Variants in PHKB observed in about 807,000 individuals in gnomAD.
The protein encoded by PHKB is phosphorylase b kinase regulatory subunit beta.
A neutral mutation model predicts 152.1 loss-of-function variants in PHKB; 122 were observed. The ratio of observed to expected loss-of-function variants is 0.80; its 90% CI spans 0.69 to 0.93. PHKB has a LOEUF of 0.93. Ranked by LOEUF, PHKB falls within the 40% of genes least tolerant of loss-of-function variation. The pLI, the probability that PHKB is intolerant of heterozygous loss-of-function variation, is 0.00. For missense variants in PHKB, 1,304 were observed against 1,328.4 expected (o/e 0.98, Z 0.29); for synonymous variants, 436 against 464.9 (o/e 0.94, Z 0.80).
intron 9 of PHKB, among the ~76,000 whole-genome samples, chr16:47,588,211 C>T (rs1250455529): frequency 1.3e-5 from 2 of 151,086 alleles, no homozygotes; most frequent in African/African-American, 4.9e-5. Flanking sequence ...TTTCTAGGGA[C>T]TATTTGTGGT....
chr16:47,598,767 C>T (rs1972168036), intron 13 of PHKB: 2 of 1,585,198 alleles, frequency 1.3e-6, no homozygotes, highest in African/African-American at 1.3e-5. Context: ...AAAGAATCAC[C>T]TCTTCTAATT....
chr16:47,558,375 A>G (rs1005035365), intron 7 of PHKB, among the ~76,000 whole-genome samples: 1 of 152,144 alleles, frequency 6.6e-6, no homozygotes, highest in African/African-American at 2.4e-5. Context: ...TAAAACTTAA[A>G]GTATAATAAT....
At chr16:47,625,265 C>T (rs1448690667) in intron 14 of PHKB, among the ~76,000 whole-genome samples, 1 of 152,236 alleles carries the variant, frequency 6.6e-6, no homozygotes, top group East Asian at 1.9e-4. Flanking sequence ...AGTGTTTAGG[C>T]AGGGCCTGGC....
At chr16:47,583,962 G>T (rs892110116) in intron 8 of PHKB, among the ~76,000 whole-genome samples, 4 of 151,510 alleles carry the variant, frequency 2.6e-5, no homozygotes, top group African/African-American at 9.7e-5. Flanking sequence ...TATTTTTACG[G>T]GCAGTTGTTG....
chr16:47,646,933 A>AG (rs1973139763), intron 16 of PHKB, among the ~76,000 whole-genome samples: 1 of 152,220 alleles, frequency 6.6e-6, no homozygotes, highest in East Asian at 1.9e-4. Flanking sequence ...AAAAAGGTAA[A>AG]GGGGCTTCTT....
chr16:47,565,345 T>C (rs1597089852), intron 7 of PHKB: 1 of 853,236 alleles, frequency 1.2e-6, no homozygotes, highest in East Asian at 2.5e-5. Context: ...TTTCATCTTT[T>C]CTTGCTGTTC....
At chr16:47,631,901 C>G (rs1402778533) in intron 14 of PHKB, among the ~76,000 whole-genome samples, 1 of 152,138 alleles carries the variant, frequency 6.6e-6, no homozygotes, top group Non-Finnish European at 1.5e-5. Context: ...GGGTTGGTTG[C>G]TATTGTGAAC....
intron 1 of PHKB, among the ~76,000 whole-genome samples, chr16:47,469,758 A>G (rs539357953): frequency 6.6e-6 from 1 of 152,302 alleles, no homozygotes; most frequent in South Asian, 2.1e-4. Flanking sequence ...ACCTAAAACA[A>G]AATTTGAAAT....
intron 26 of PHKB, among the ~76,000 whole-genome samples, chr16:47,683,923 T>C (rs1973912718): frequency 6.6e-6 from 1 of 152,216 alleles, no homozygotes; most frequent in Non-Finnish European, 1.5e-5. Context: ...AATCATTTGT[T>C]TAACAGCAAA....
intron 7 of PHKB, among the ~76,000 whole-genome samples, chr16:47,574,383 T>G (rs769795064): frequency 6.6e-6 from 1 of 152,220 alleles, no homozygotes; most frequent in Non-Finnish European, 1.5e-5. Flanking sequence ...CCATGTAGGT[T>G]GCCACCCACA....
chr16:47,684,909 T>C (rs977195008), intron 26 of PHKB, among the ~76,000 whole-genome samples: 4 of 152,218 alleles, frequency 2.6e-5, no homozygotes, highest in Non-Finnish European at 4.4e-5. Context: ...TGGATATATA[T>C]GAAGGTTGAT....
chr16:47,488,816 A>G (rs1286556677), intron 1 of PHKB, among the ~76,000 whole-genome samples: 5 of 152,032 alleles, frequency 3.3e-5, no homozygotes, highest in Non-Finnish European at 5.9e-5. Flanking sequence ...GTCTGTTTTT[A>G]TACTAGTACC....
In PHKB at chr16:47,610,809, C is replaced by T. The variant is rs767193338; in HGVS notation, c.1364-17C>T. ...CAAATGCATTTTCGATAATGTCATT[C>T]CCCTTCTTTTTTTCAGCTGATGAAC... On this transcript the variant is annotated splice_polypyrimidine_tract_variant and intron_variant, in intron 13 of 30. Coordinates refer to ENST00000323584, the MANE Select transcript of PHKB (RefSeq NM_000293.3). The T allele has an allele frequency of 6.8e-7, 1 of 1,463,334 alleles. No individual in the cohort carries two copies. The highest frequency in any genetic ancestry group is 2.3e-5 in the East Asian group (1 of 44,128). 90.6% of individuals were successfully genotyped at this position (1,463,334 alleles called of 1,614,324 possible). A position where few individuals can be genotyped will look rare whatever the true frequency, so the allele number is the denominator to read the frequency against.
chr16:47,540,162 G>T (rs1197102312), intron 6 of PHKB, among the ~76,000 whole-genome samples: 1 of 152,182 alleles, frequency 6.6e-6, no homozygotes, highest in Admixed American at 6.5e-5. Context: ...CTGTGGGAGT[G>T]TCTGTCTTAT....
At chr16:47,635,784 A>G (rs1303524755) in intron 14 of PHKB, among the ~76,000 whole-genome samples, 2 of 152,244 alleles carry the variant, frequency 1.3e-5, no homozygotes, top group Non-Finnish European at 2.9e-5. Flanking sequence ...TAGCTCCGCT[A>G]GGTCTGTGTC....
intron 26 of PHKB, chr16:47,675,519 A>ACT (rs397978170): frequency 0.034 from 2,950 of 87,988 alleles, 65 homozygotes; most frequent in African/African-American, 0.071. Flanking sequence ...ACACACACAC[A>ACT]CTCTCTCTCT....
intron 14 of PHKB, among the ~76,000 whole-genome samples, chr16:47,628,996 A>T (rs933550618): frequency 7.2e-5 from 11 of 152,044 alleles, no homozygotes; most frequent in South Asian, 2.1e-4. Context: ...CTGGATCCCT[A>T]CCTTACACCT....
intron 13 of PHKB, among the ~76,000 whole-genome samples, chr16:47,608,369 G>A (rs540859849): frequency 1.8e-4 from 27 of 152,260 alleles, no homozygotes; most frequent in Non-Finnish European, 3.7e-4. Flanking sequence ...TGAGGAAAAG[G>A]TCCAGCTTCA....
chr16:47,590,208 A>G (rs1972004463), intron 10 of PHKB: 1 of 152,172 alleles, frequency 6.6e-6, no homozygotes, highest in South Asian at 2.1e-4. Context: ...TTGTTTGGCA[A>G]TTAACATACT....
Sources: gnomAD v4.1 joint callset for allele counts (sites outside exome capture counted in the v4.1 genomes callset) on GRCh38, gnomAD v4.1.1 for gene constraint, MANE v1.5 for transcripts, NCBI Gene and HGNC (gene_info 2026-07-23, HGNC 2026-07-21) for gene names.